The following HCN2 variants were observed in gnomAD, a reference collection of about 807,000 sequenced individuals.
HCN2 encodes the protein potassium/sodium hyperpolarization-activated cyclic nucleotide-gated channel 2.
In HCN2, 20 loss-of-function variants were observed where a neutral mutation model predicts 52.3. That is an observed-to-expected ratio of 0.38 (90% CI 0.27 to 0.56). The LOEUF is 0.56. HCN2 is among the 20% of genes least tolerant of loss of function. The pLI, the probability that HCN2 is intolerant of heterozygous loss-of-function variation, is 0.71. For missense variants in HCN2, 981 were observed against 1,207.7 expected (o/e 0.81, Z 2.78); for synonymous variants, 694 against 537.0 (o/e 1.29, Z -4.04).
rs562989565 is a variant in HCN2, at chr19:593,905, G to A, written c.632+3328G>A. 3.3e-5 allele frequency among the ~76,000 whole-genome samples: 5 copies of A among 152,234 alleles called. No individual in the cohort carries two copies. In the South Asian group the frequency reaches 6.2e-4, roughly 19 times the overall value. The stretch of plus-strand genomic sequence containing the variant: ...GGCCTTATGCAACCCCCAGGGCTTC[G>A]GCAGGGTCTTCTGTGCCTCCCAGAG... On this transcript the variant is annotated intron_variant, in intron 1 of 7. Transcript: ENST00000251287.
intron 3 of HCN2, among the ~76,000 whole-genome samples, chr19:607,735 A>G (rs10853988): frequency 0.28 from 43,081 of 152,188 alleles, 6,383 homozygotes; most frequent in East Asian, 0.53. Context: ...CAGTTTCCCC[A>G]GGAGTGAAGC....
At chr19:609,750 A>G (rs1450091739) in intron 4 of HCN2, among the ~76,000 whole-genome samples, 1 of 152,056 alleles carries the variant, frequency 6.6e-6, no homozygotes, top group Non-Finnish European at 1.5e-5. Flanking sequence ...AAAATAAAAG[A>G]ATCAGCCAGG....
chr19:610,231 C>T, intron 4 of HCN2, 28 bp from the exon 5 acceptor site: 3 of 1,606,640 alleles, frequency 1.9e-6, no homozygotes, highest in Admixed American at 1.7e-5. Context: ...GGGGCGGTGT[C>T]TGACCCAGCC....
At chr19:610,914 AC>A (rs149362545) in intron 5 of HCN2, among the ~76,000 whole-genome samples, 6 of 151,558 alleles carry the variant, frequency 4.0e-5, no homozygotes, top group Non-Finnish European at 5.9e-5. Context: ...GGGCCGTGCT[AC>A]CCCCCCGGAG....
intron 2 of HCN2, among the ~76,000 whole-genome samples, chr19:604,561 G>C (rs1433176158): frequency 2.2e-4 from 33 of 148,826 alleles, no homozygotes; most frequent in Non-Finnish European, 1.2e-4. Context: ...CATCAGGGGC[G>C]GGGCTATGAG....
intron 1 of HCN2, among the ~76,000 whole-genome samples, chr19:599,407 A>C (rs1006243179): frequency 7.9e-5 from 12 of 152,150 alleles, no homozygotes; most frequent in Non-Finnish European, 1.6e-4. Context: ...GAGTCCCTCC[A>C]GTCCCTCAGC....
intron 6 of HCN2, 27 bp from the exon 7 acceptor site, chr19:613,825 C>T (rs1362647227): frequency 4.7e-6 from 7 of 1,485,828 alleles, no homozygotes; most frequent in East Asian, 2.5e-5. Flanking sequence ...CCTCGTCCAG[C>T]AACCCCCCCC....
intron 1 of HCN2, among the ~76,000 whole-genome samples, chr19:596,061 A>G (rs1983020875): frequency 6.6e-6 from 1 of 152,208 alleles, no homozygotes; most frequent in South Asian, 2.1e-4. Flanking sequence ...TTCTGTTGCC[A>G]GGAGACCTGG....
At chr19:606,945 G>A (rs570578697) in intron 3 of HCN2, among the ~76,000 whole-genome samples, 1 of 150,852 alleles carries the variant, frequency 6.6e-6, no homozygotes, top group South Asian at 2.1e-4. Context: ...GCCGAGGTGG[G>A]GCTGATCACC....
In HCN2 at chr19:610,372, C is replaced by T. The variant is rs770108366; in HGVS notation, c.1551C>T (p.Ser517=). The T allele has an allele frequency of 8.7e-6, 14 of 1,613,636 alleles. No individual in the cohort carries two copies. Among genetic ancestry groups the T allele is most frequent in the Non-Finnish European group, 1.1e-5 (13 of 1,179,724 alleles). ...AGGGCAAGATGTTTGACGAGGACAG[C>T]ATCCTGGGCGAGCTCAACGGGCCCC... The part of the protein sequence containing the change: ...RYQGKMFDED[S]ILGELNGPLR... The change falls in exon 5 of 8, where the codon AGC becomes AGT. Residue 517 remains serine, a synonymous_variant. Transcript: ENST00000251287.
chr19:609,099 T>G (rs944371899), intron 4 of HCN2, among the ~76,000 whole-genome samples: 1 of 152,182 alleles, frequency 6.6e-6, no homozygotes, highest in Admixed American at 6.5e-5. Context: ...CTGGGTCAGC[T>G]GGGCCCCGTG....
intron 1 of HCN2, among the ~76,000 whole-genome samples, chr19:594,506 C>G (rs1189355371): frequency 6.6e-6 from 1 of 152,172 alleles, no homozygotes; most frequent in Non-Finnish European, 1.5e-5. Context: ...TCTGTTATGT[C>G]CCCTGGGGTC....
chr19:604,897 G>C (rs1201211710), intron 2 of HCN2, among the ~76,000 whole-genome samples, 164 bp from the exon 3 acceptor site: 1 of 133,114 alleles, frequency 7.5e-6, no homozygotes, highest in African/African-American at 2.9e-5. Flanking sequence ...TGGAGGGCGG[G>C]GGTCCCGGGG....
rs558842172 is a variant in HCN2, at chr19:616,844, C to T, written c.*370C>T. ...CCCCCACCCTCTAGGTGGCCCCCGTCCGAGGAGGATCGTTTTCTAAGTGCA... is the reference window on the plus strand; with the variant it reads ...CCCCCACCCTCTAGGTGGCCCCCGTTCGAGGAGGATCGTTTTCTAAGTGCA... On this transcript the variant is annotated 3_prime_UTR_variant, in exon 8 of 8. Coordinates refer to ENST00000251287, the MANE Select transcript of HCN2 (RefSeq NM_001194.4). 9.2e-5 allele frequency: 17 copies of T among 184,992 alleles called. No individual in the cohort carries two copies. In the South Asian group the frequency reaches 1.8e-3, roughly 19 times the overall value. The allele number at this position is 184,992 out of a possible 1,614,324, so 11.5% of individuals were successfully genotyped here.
intron 1 of HCN2, among the ~76,000 whole-genome samples, chr19:600,156 C>A (rs575658080): frequency 6.6e-6 from 1 of 152,010 alleles, no homozygotes; most frequent in Admixed American, 6.6e-5. Context: ...GGCCCCAGAG[C>A]CCAGAGGTTT....
At chr19:596,556 C>T (rs907801266) in intron 1 of HCN2, among the ~76,000 whole-genome samples, 1 of 152,202 alleles carries the variant, frequency 6.6e-6, no homozygotes, top group African/African-American at 2.4e-5. Flanking sequence ...TGTTACCTGT[C>T]GGGGATGGGT....
At chr19:604,846 C>CCG (rs1983362375) in intron 2 of HCN2, among the ~76,000 whole-genome samples, 3 of 48,616 alleles carry the variant, frequency 6.2e-5, no homozygotes, top group South Asian at 1.1e-3. Context: ...GCAGTGAAGG[C>CCG]TGTAGAGGTG....
At position 601,644 on chromosome 19, in the gene HCN2, A is replaced by G. The variant is rs568027565; in HGVS notation, c.633-1900A>G. 8.2e-4 allele frequency among the ~76,000 whole-genome samples: 125 copies of G among 152,054 alleles called. 2 individuals are homozygous for G. The highest frequency in any genetic ancestry group is 1.8e-4 in the Non-Finnish European group (12 of 68,000). ...TCCTTGTTTTCATTTCTTTGGGTAT[A>G]ATCTCGGGGCAGGGAGAGGCTGGTA... On this transcript the variant is annotated intron_variant, in intron 1 of 7. Coordinates refer to ENST00000251287, the MANE Select transcript of HCN2 (RefSeq NM_001194.4).
chr19:610,050 TGA>T (rs1983557510), intron 4 of HCN2, among the ~76,000 whole-genome samples: 1 of 149,946 alleles, frequency 6.7e-6, no homozygotes, highest in Admixed American at 6.6e-5. Context: ...GACCCAGCCC[TGA>T]CCCCCCACAG....
Sources: gnomAD v4.1 joint callset for allele counts (sites outside exome capture counted in the v4.1 genomes callset) on GRCh38, gnomAD v4.1.1 for gene constraint, MANE v1.5 for transcripts, NCBI Gene and HGNC (gene_info 2026-07-23, HGNC 2026-07-21) for gene names.